Variants in CDK5RAP2 observed in about 807,000 individuals in gnomAD.
The protein encoded by CDK5RAP2 is CDK5 regulatory subunit associated protein 2.
In CDK5RAP2, 147 loss-of-function variants were observed where a neutral mutation model predicts 232.9. That is an observed-to-expected ratio of 0.63 (90% CI 0.55 to 0.72). The LOEUF is 0.72. CDK5RAP2 is among the 30% of genes least tolerant of loss of function. The probability of loss-of-function intolerance (pLI) is 0.00; values close to 1 mark genes in which losing one functional copy is unlikely to be tolerated. For synonymous variants in CDK5RAP2, 833 were observed against 833.7 expected (o/e 1.00, Z 0.01); for missense variants, 2,195 against 2,231.5 (o/e 0.98, Z 0.33).
At chr9:120,576,685 G>A (rs1458576199) in intron 1 of CDK5RAP2, among the ~76,000 whole-genome samples, 1 of 151,676 alleles carries the variant, frequency 6.6e-6, no homozygotes, top group Non-Finnish European at 1.5e-5. Flanking sequence ...CTGGGCAAGG[G>A]AGTGAGACTC....
At chr9:120,458,378 C>A in intron 20 of CDK5RAP2, 72 bp downstream of exon 20, 1 of 1,445,868 alleles carries the variant, frequency 6.9e-7, no homozygotes, top group Non-Finnish European at 9.7e-7. Flanking sequence ...ATCATCTAAA[C>A]CCATTTAGCA....
At position 120,403,275 on chromosome 9, in the gene CDK5RAP2, G is replaced by C. The variant is rs958143599; in HGVS notation, c.5042-204C>G. 3 of 578,792 alleles carry C rather than the reference G, an allele frequency of 5.2e-6. No homozygotes were observed. The Admixed American group carries it at 9.1e-5, about 18-fold the overall frequency. The allele number at this position is 578,792 out of a possible 1,614,324, so 35.9% of individuals were successfully genotyped here. ...TGGGCTTATGAGTCATCTTGTAGGAGAGGCTCAAGTCAACTCAACCAACAC... is the reference window on the plus strand; with the variant it reads ...TGGGCTTATGAGTCATCTTGTAGGACAGGCTCAAGTCAACTCAACCAACAC... On this transcript the variant is annotated intron_variant, in intron 33 of 37. Coordinates refer to ENST00000349780, the MANE Select transcript of CDK5RAP2 (RefSeq NM_018249.6). The surrounding 1 kb of genome is among the most constrained non-coding windows in gnomAD (Gnocchi z 4.2).
At chr9:120,499,026 T>C (rs2131700915) in intron 12 of CDK5RAP2, among the ~76,000 whole-genome samples, 1 of 152,290 alleles carries the variant, frequency 6.6e-6, no homozygotes, top group South Asian at 2.1e-4. Flanking sequence ...ATTACAGGCA[T>C]GAGCCACCAC....
At chr9:120,461,792 G>A (rs550881138) in intron 18 of CDK5RAP2, among the ~76,000 whole-genome samples, 17 of 152,286 alleles carry the variant, frequency 1.1e-4, no homozygotes, top group African/African-American at 3.8e-4. Context: ...GCAGTGAGCC[G>A]TGATCACACC....
intron 18 of CDK5RAP2, among the ~76,000 whole-genome samples, chr9:120,461,480 G>T (rs995217150): frequency 6.6e-6 from 1 of 152,180 alleles, no homozygotes; most frequent in African/African-American, 2.4e-5. Flanking sequence ...AGAAAAGGTG[G>T]CCAGCCACTC....
At chr9:120,454,013 C>T in intron 20 of CDK5RAP2, 140 bp from the exon 21 acceptor site, 1 of 816,676 alleles carries the variant, frequency 1.2e-6, no homozygotes, top group Non-Finnish European at 2.1e-6. Flanking sequence ...CACAACGTGC[C>T]AGGGCCCACA....
chr9:120,530,192 G>A, intron 7 of CDK5RAP2, 52 bp from the exon 8 acceptor site: 1 of 1,434,120 alleles, frequency 7.0e-7, no homozygotes, highest in Non-Finnish European at 9.7e-7. Context: ...TCTTAGCTCA[G>A]TGGAGCTGGA....
intron 1 of CDK5RAP2, among the ~76,000 whole-genome samples, chr9:120,574,030 C>T (rs895995494): frequency 4.6e-5 from 7 of 152,102 alleles, no homozygotes; most frequent in Admixed American, 2.6e-4. Context: ...TAAAACTGCC[C>T]ATGAATAACT....
At chr9:120,557,370 C>T (rs2042268359) in intron 3 of CDK5RAP2, among the ~76,000 whole-genome samples, 1 of 152,198 alleles carries the variant, frequency 6.6e-6, no homozygotes, top group South Asian at 2.1e-4. Context: ...TACCCACCCC[C>T]ATCCCATAAC....
intron 7 of CDK5RAP2, among the ~76,000 whole-genome samples, chr9:120,533,216 A>G (rs1034427774): frequency 6.6e-6 from 1 of 152,056 alleles, no homozygotes; most frequent in Non-Finnish European, 1.5e-5. Flanking sequence ...CACTGAGAGC[A>G]CCATAGAAGC....
chr9:120,398,272 T>TA (rs2032695216), intron 35 of CDK5RAP2, among the ~76,000 whole-genome samples: 1 of 152,252 alleles, frequency 6.6e-6, no homozygotes, highest in Non-Finnish European at 1.5e-5. Context: ...TTTCTTTGAT[T>TA]TCTTATCTCT....
In CDK5RAP2 at chr9:120,408,882, G is replaced by T. The variant is rs4837769; in HGVS notation, c.4604+245C>A. ...CTGCATTCAGCTCTCTGAGCAAATG[G>T]CATCTTTTCACAAAGGCCTTCCCTG... On this transcript the variant is annotated intron_variant, in intron 30 of 37. Transcript: ENST00000349780. 4.2e-3 allele frequency among the ~76,000 whole-genome samples: 642 copies of T among 152,330 alleles called. 27 individuals carry two copies. Among genetic ancestry groups the T allele is most frequent in the Admixed American group, 0.038 (588 of 15,304 alleles).
chr9:120,536,676 A>G, intron 6 of CDK5RAP2, 150 bp from the exon 7 acceptor site: 1 of 812,612 alleles, frequency 1.2e-6, no homozygotes, highest in South Asian at 1.5e-5. Context: ...AGAATCAGTA[A>G]TAAATACATT....
At chr9:120,465,587 A>G (rs1447275650) in intron 18 of CDK5RAP2, among the ~76,000 whole-genome samples, 2 of 152,100 alleles carry the variant, frequency 1.3e-5, no homozygotes, top group Non-Finnish European at 2.9e-5. Flanking sequence ...TTACACATTA[A>G]AAGTTGTTGG....
Position 120,530,463 on chromosome 9 carries a change from T to C in CDK5RAP2, c.663-323A>G, listed in dbSNP as rs903112580. Among the ~76,000 whole-genome samples the C allele has an allele frequency of 2.8e-4, 43 of 152,188 alleles. 1 individual carries two copies. Among genetic ancestry groups the C allele is most frequent in the African/African-American group, 9.9e-4 (41 of 41,522 alleles). ...TAATTTCTTTGGCCAAGAAATCCTC[T>C]CTCCAAAAGATATGTCACTGAAACC... On this transcript the variant is annotated intron_variant, in intron 7 of 37. Transcript: ENST00000349780.
intron 27 of CDK5RAP2, among the ~76,000 whole-genome samples, chr9:120,416,154 G>A (rs1428893416): frequency 6.6e-6 from 1 of 152,080 alleles, no homozygotes; most frequent in African/African-American, 2.4e-5. Context: ...ACACCGGCCG[G>A]GCGTCCTCTA....
At chr9:120,429,013 AT>A (rs2035106292) in intron 25 of CDK5RAP2, among the ~76,000 whole-genome samples, 1 of 152,126 alleles carries the variant, frequency 6.6e-6, no homozygotes, top group African/African-American at 2.4e-5. Context: ...AAACCACATG[AT>A]TATCTCAATA....
At chr9:120,539,726 T>C (rs1019781739) in intron 5 of CDK5RAP2, among the ~76,000 whole-genome samples, 13 of 152,252 alleles carry the variant, frequency 8.5e-5, no homozygotes, top group African/African-American at 3.1e-4. Flanking sequence ...AGCATCCTTG[T>C]ATGTCTACTA....
chr9:120,491,768 T>A (rs1269441706), intron 12 of CDK5RAP2, among the ~76,000 whole-genome samples: 2 of 151,716 alleles, frequency 1.3e-5, no homozygotes, highest in South Asian at 2.1e-4. Flanking sequence ...TTATAAAGAG[T>A]ACGGTATTTA....
Sources: allele counts gnomAD v4.1 joint callset (sites outside exome capture counted in the v4.1 genomes callset), GRCh38; gene constraint gnomAD v4.1.1; non-coding constraint Gnocchi (gnomAD v3.1); transcripts MANE v1.5; gene names NCBI Gene and HGNC (gene_info 2026-07-23, HGNC 2026-07-21).